The following PHACTR1 variants were observed in gnomAD, a reference collection of about 807,000 sequenced individuals.
The protein encoded by PHACTR1 is phosphatase and actin regulator 1.
PHACTR1 carries 16 observed loss-of-function variants against 69.2 expected under a neutral mutation model. The ratio of observed to expected loss-of-function variants is 0.23; its 90% CI spans 0.16 to 0.35. PHACTR1 has a LOEUF of 0.35. Ranked by LOEUF, PHACTR1 falls within the 10% of genes least tolerant of loss-of-function variation. The probability of loss-of-function intolerance (pLI) is 1.00; values close to 1 mark genes in which losing one functional copy is unlikely to be tolerated. For synonymous variants in PHACTR1, 312 were observed against 284.5 expected, an observed-to-expected ratio of 1.10 and a Z score of -0.97; for missense variants, 510 against 734.7, an observed-to-expected ratio of 0.69 and a Z score of 3.54.
At chr6:12,737,408 C>CAT (rs1357690001) in intron 3 of PHACTR1, among the ~76,000 whole-genome samples, 1 of 151,574 alleles carries the variant, frequency 6.6e-6, no homozygotes, top group Non-Finnish European at 1.5e-5. Context: ...TACACACACA[C>CAT]ACACACACAC....
At chr6:13,157,662 T>C (rs559219762) in intron 5 of PHACTR1, among the ~76,000 whole-genome samples, 16 of 152,350 alleles carry the variant, frequency 1.1e-4, no homozygotes, top group African/African-American at 3.8e-4. Flanking sequence ...TCCACTTTAG[T>C]CTGTGGTTTA....
intron 4 of PHACTR1, among the ~76,000 whole-genome samples, chr6:12,924,786 A>G (rs1788101875): frequency 1.3e-5 from 2 of 152,058 alleles, no homozygotes; most frequent in African/African-American, 4.8e-5. Flanking sequence ...GAAAAAAAAA[A>G]AAAAAAAATT....
In PHACTR1 at chr6:12,914,030, G is replaced by C. The variant is rs761399785; in HGVS notation, c.251-139335G>C. 2.6e-5 allele frequency among the ~76,000 whole-genome samples: 4 copies of C among 151,970 alleles called. No homozygotes were observed. In the East Asian group the frequency reaches 7.7e-4, roughly 29 times the overall value. ...TGTTGCCAGGCTGGAGTGCAGTGGC[G>C]CAATTTCAGCTTACTGCTACCTCCG... On this transcript the variant is annotated intron_variant, in intron 4 of 14. Transcript: ENST00000332995.
chr6:12,946,017 C>T (rs541506261), intron 4 of PHACTR1, among the ~76,000 whole-genome samples: 24 of 148,736 alleles, frequency 1.6e-4, no homozygotes, highest in Non-Finnish European at 3.1e-4. Context: ...GTTCATGAAA[C>T]CTCCAAGGCG....
chr6:13,046,896 C>A (rs1266033170), intron 4 of PHACTR1, among the ~76,000 whole-genome samples: 1 of 151,960 alleles, frequency 6.6e-6, no homozygotes, highest in East Asian at 1.9e-4. Flanking sequence ...AGAGATCCAG[C>A]CTCTATAAGT....
rs1771780684 is a variant in PHACTR1, at chr6:13,235,028, A to C, written c.1391+4835A>C. Reference sequence around the variant, plus strand: ...TGTAATGCGCATGGTGTATCACTGCAGTAGTACCTGTGTCTTATACATAAA... The same window carrying C: ...TGTAATGCGCATGGTGTATCACTGCCGTAGTACCTGTGTCTTATACATAAA... On this transcript the variant is annotated intron_variant, in intron 10 of 14. Transcript: ENST00000332995. 2.0e-5 allele frequency among the ~76,000 whole-genome samples: 3 copies of C among 152,356 alleles called. No individual in the cohort carries two copies. The South Asian group carries it at 6.2e-4, about 32-fold the overall frequency.
intron 4 of PHACTR1, among the ~76,000 whole-genome samples, chr6:12,753,040 G>A (rs77658634): frequency 3.9e-5 from 6 of 152,184 alleles, no homozygotes; most frequent in Non-Finnish European, 7.4e-5. Flanking sequence ...TATATCTGTC[G>A]AAGGTTACCC....
intron 4 of PHACTR1, among the ~76,000 whole-genome samples, chr6:12,872,167 G>A (rs1001909109): frequency 4.6e-5 from 7 of 152,186 alleles, no homozygotes; most frequent in South Asian, 4.1e-4. Context: ...CTAGAAATAC[G>A]TAAGTGTATT....
Position 13,200,441 on chromosome 6 carries a change from C to T in PHACTR1, c.665-5374C>T, listed in dbSNP as rs369556639. Among the ~76,000 whole-genome samples the T allele has an allele frequency of 4.6e-5, 7 of 152,204 alleles. No homozygotes were observed. In the East Asian group the frequency reaches 1.2e-3, roughly 25 times the overall value. ...GATTACAGGCACGTGCCACCACACC[C>T]GGCCAGGAAGCATCTTAAATCCAAA... On this transcript the variant is annotated intron_variant, in intron 7 of 14. Coordinates refer to ENST00000332995, the MANE Select transcript of PHACTR1 (RefSeq NM_030948.6).
At chr6:12,972,084 T>C (rs1032421671) in intron 4 of PHACTR1, among the ~76,000 whole-genome samples, 2 of 152,240 alleles carry the variant, frequency 1.3e-5, no homozygotes, top group Non-Finnish European at 2.9e-5. Flanking sequence ...TTACTATATC[T>C]GGATGGTTTG....
intron 4 of PHACTR1, among the ~76,000 whole-genome samples, chr6:12,830,552 A>G (rs1777430730): frequency 6.6e-6 from 1 of 151,306 alleles, no homozygotes; most frequent in Non-Finnish European, 1.5e-5. Context: ...CTGAAGACTC[A>G]TTTCTTCTGA....
intron 4 of PHACTR1, among the ~76,000 whole-genome samples, chr6:13,036,283 G>A (rs537613372): frequency 5.9e-5 from 9 of 152,292 alleles, no homozygotes; most frequent in African/African-American, 9.6e-5. Context: ...AGGCAAGTAA[G>A]CCATTCTTGT....
chr6:12,961,485 C>T (rs2127568121), intron 4 of PHACTR1, among the ~76,000 whole-genome samples: 2 of 152,240 alleles, frequency 1.3e-5, no homozygotes, highest in East Asian at 3.9e-4. Context: ...ATAATTCCTA[C>T]CCTACTGTCA....
intron 13 of PHACTR1, among the ~76,000 whole-genome samples, chr6:13,284,490 G>A (rs1443286168): frequency 3.4e-5 from 4 of 116,240 alleles, no homozygotes; most frequent in South Asian, 5.6e-4. Flanking sequence ...GAATTCCAGC[G>A]TGGATGACAA....
chr6:12,934,472 C>G (rs949536255), intron 4 of PHACTR1, among the ~76,000 whole-genome samples: 5 of 152,136 alleles, frequency 3.3e-5, no homozygotes, highest in African/African-American at 7.2e-5. Context: ...TTTTGAGGAG[C>G]TATCAGATCT....
At chr6:12,800,801 T>G (rs1773608946) in intron 4 of PHACTR1, among the ~76,000 whole-genome samples, 1 of 151,796 alleles carries the variant, frequency 6.6e-6, no homozygotes, top group Non-Finnish European at 1.5e-5. Context: ...GGTCGGAGGA[T>G]CACCTGAGCC....
chr6:12,811,941 G>A (rs762740035), intron 4 of PHACTR1, among the ~76,000 whole-genome samples: 1 of 152,106 alleles, frequency 6.6e-6, no homozygotes, highest in Non-Finnish European at 1.5e-5. Flanking sequence ...GAAAGAAGAA[G>A]TTGATCTACA....
intron 4 of PHACTR1, among the ~76,000 whole-genome samples, chr6:12,845,697 T>C (rs1247975204): frequency 6.6e-6 from 1 of 152,210 alleles, no homozygotes; most frequent in East Asian, 1.9e-4. Context: ...GCCAGAATTC[T>C]GTGCTTTATT....
intron 4 of PHACTR1, among the ~76,000 whole-genome samples, chr6:12,838,765 A>G (rs1427831929): frequency 1.3e-5 from 2 of 152,172 alleles, no homozygotes; most frequent in Non-Finnish European, 2.9e-5. Flanking sequence ...GTGTTCCCCT[A>G]AGTATGGTTA....
Sources: gnomAD v4.1 joint callset for allele counts (sites outside exome capture counted in the v4.1 genomes callset) on GRCh38, gnomAD v4.1.1 for gene constraint, MANE v1.5 for transcripts, NCBI Gene and HGNC (gene_info 2026-07-23, HGNC 2026-07-21) for gene names.